Variants in EYS observed in about 807,000 individuals in gnomAD.
The protein encoded by EYS is protein eyes shut homolog.
A neutral mutation model predicts 282.1 loss-of-function variants in EYS; 250 were observed. The observed-to-expected ratio is 0.89, with a 90% CI of 0.80 to 0.98. The LOEUF (loss-of-function observed/expected upper bound fraction) is 0.98, where lower values mean the gene tolerates loss of function less well. Ranked by LOEUF, EYS falls within the 50% of genes least tolerant of loss-of-function variation. The pLI, the probability that EYS is intolerant of heterozygous loss-of-function variation, is 0.00. For synonymous variants in EYS, 1,355 were observed against 1,282.9 expected (o/e 1.06, Z -1.20); for missense variants, 4,016 against 3,709.0 (o/e 1.08, Z -2.15).
intron 31 of EYS, among the ~76,000 whole-genome samples, chr6:64,155,713 G>A (rs1054291315): frequency 1.3e-5 from 2 of 152,184 alleles, no homozygotes; most frequent in African/African-American, 4.8e-5. Context: ...GAACGATGTT[G>A]TGTAACATCT....
At position 63,995,934 on chromosome 6, in the gene EYS, A is replaced by T. The variant is rs1049919174; in HGVS notation, c.6834+3141T>A. On this transcript the variant is annotated intron_variant, in intron 34 of 42. Transcript: ENST00000503581. ...TAATAACATATTTAAAAACAACTAAATGAGAGGATTTTCAATTTCTTACCA... is the reference window on the plus strand; with the variant it reads ...TAATAACATATTTAAAAACAACTAATTGAGAGGATTTTCAATTTCTTACCA... Among the ~76,000 whole-genome samples, 6 of 152,072 alleles carry T rather than the reference A, an allele frequency of 3.9e-5. No individual in the cohort carries two copies. In the East Asian group the frequency reaches 1.2e-3, roughly 29 times the overall value.
intron 26 of EYS, among the ~76,000 whole-genome samples, chr6:64,513,493 T>C (rs1582839831): frequency 6.6e-6 from 1 of 151,888 alleles, no homozygotes; most frequent in East Asian, 1.9e-4. Flanking sequence ...ATTAACTGCA[T>C]GAGATCTTGA....
intron 35 of EYS, among the ~76,000 whole-genome samples, chr6:63,894,761 T>C (rs932869725): frequency 1.6e-4 from 24 of 151,864 alleles, no homozygotes; most frequent in Non-Finnish European, 1.5e-5. Flanking sequence ...TTTTTTATTA[T>C]TATTTTTAGT....
intron 22 of EYS, among the ~76,000 whole-genome samples, chr6:64,808,944 A>T (rs1764514524): frequency 6.6e-6 from 1 of 152,068 alleles, no homozygotes; most frequent in South Asian, 2.1e-4. Flanking sequence ...ATTTAAATAG[A>T]CTCATACTTG....
At chr6:65,063,999 A>AATTT (rs1773656053) in intron 12 of EYS, among the ~76,000 whole-genome samples, 1 of 151,304 alleles carries the variant, frequency 6.6e-6, no homozygotes, top group Admixed American at 6.6e-5. Flanking sequence ...TGGATGGAAG[A>AATTT]ATTTTACACT....
At chr6:63,909,593 G>A (rs1260777189) in intron 35 of EYS, among the ~76,000 whole-genome samples, 1 of 152,188 alleles carries the variant, frequency 6.6e-6, no homozygotes, top group Non-Finnish European at 1.5e-5. Context: ...AGTTGATTGT[G>A]GTTGGGATAT....
chr6:65,388,569 C>T lies in EYS; in HGVS notation c.1185-4069G>A, dbSNP rs114563386. On this transcript the variant is annotated intron_variant, in intron 7 of 42. Transcript: ENST00000503581. ...ACTTCAGAAAAGGGAAAGGCAAATA[C>T]CAAGGATTGAAGCAAGAGGTCCTTG... 6.5e-3 allele frequency among the ~76,000 whole-genome samples: 989 copies of T among 152,004 alleles called. 18 individuals carry two copies. Among genetic ancestry groups the T allele is most frequent in the African/African-American group, 0.022 (923 of 41,482 alleles).
intron 14 of EYS, among the ~76,000 whole-genome samples, chr6:64,948,210 G>A (rs1009029923): frequency 1.3e-5 from 2 of 151,370 alleles, no homozygotes; most frequent in East Asian, 3.9e-4. Context: ...ATTTAAAGAT[G>A]TAAATGATGA....
At chr6:65,418,733 G>A (rs1767338266) in intron 5 of EYS, among the ~76,000 whole-genome samples, 2 of 151,890 alleles carry the variant, frequency 1.3e-5, no homozygotes, top group Non-Finnish European at 2.9e-5. Flanking sequence ...GGGAGGGAAC[G>A]TAGAGGATGG....
intron 2 of EYS, among the ~76,000 whole-genome samples, chr6:65,555,686 T>C (rs1207478939): frequency 1.3e-5 from 2 of 152,190 alleles, no homozygotes; most frequent in Non-Finnish European, 2.9e-5. Flanking sequence ...GGCAAATTAA[T>C]AACTGTTTCT....
At chr6:65,000,470 T>C (rs1771426428) in intron 13 of EYS, among the ~76,000 whole-genome samples, 1 of 152,148 alleles carries the variant, frequency 6.6e-6, no homozygotes, top group African/African-American at 2.4e-5. Flanking sequence ...TATACAGAGG[T>C]ATTTTAAAAC....
At chr6:63,774,323 C>T (rs1254334757) in intron 40 of EYS, among the ~76,000 whole-genome samples, 1 of 152,070 alleles carries the variant, frequency 6.6e-6, no homozygotes, top group Non-Finnish European at 1.5e-5. Flanking sequence ...CACCCACCAC[C>T]ACACTGGCTA....
intron 30 of EYS, among the ~76,000 whole-genome samples, chr6:64,274,180 T>TATTC (rs566840604): frequency 2.0e-5 from 3 of 152,344 alleles, no homozygotes; most frequent in Non-Finnish European, 4.4e-5. Context: ...TCCATTCATT[T>TATTC]ATTCATTCAT....
chr6:63,839,082 C>T (rs1030685319), intron 36 of EYS, among the ~76,000 whole-genome samples: 2 of 151,992 alleles, frequency 1.3e-5, no homozygotes, highest in Admixed American at 6.6e-5. Flanking sequence ...TCAAAATCTC[C>T]TCTAGCTTTT....
chr6:63,853,554 C>A (rs1458770766), intron 36 of EYS, among the ~76,000 whole-genome samples: 1 of 152,182 alleles, frequency 6.6e-6, no homozygotes, highest in Non-Finnish European at 1.5e-5. Context: ...AATGGCCATA[C>A]TGCCCAAAGT....
At chr6:65,198,242 G>A (rs989044458) in intron 12 of EYS, among the ~76,000 whole-genome samples, 1 of 152,108 alleles carries the variant, frequency 6.6e-6, no homozygotes, top group Non-Finnish European at 1.5e-5. Flanking sequence ...TGCAGGGGCA[G>A]TAACATGTAT....
intron 35 of EYS, among the ~76,000 whole-genome samples, chr6:63,887,882 G>A (rs2149722707): frequency 6.6e-6 from 1 of 152,336 alleles, no homozygotes; most frequent in Middle Eastern, 3.4e-3. Context: ...CACCCCCATG[G>A]AGCCCAGCAC....
intron 26 of EYS, among the ~76,000 whole-genome samples, chr6:64,475,244 G>C (rs965929184): frequency 6.6e-6 from 1 of 152,038 alleles, no homozygotes; most frequent in African/African-American, 2.4e-5. Flanking sequence ...TTCATAGTTT[G>C]CTCTGAATAG....
chr6:64,576,062 C>T (rs1765869963), intron 26 of EYS, among the ~76,000 whole-genome samples: 1 of 152,078 alleles, frequency 6.6e-6, no homozygotes, highest in Admixed American at 6.6e-5. Context: ...TTCCAAGCTT[C>T]TGTCATATTA....
Sources: gnomAD v4.1 joint callset for allele counts (sites outside exome capture counted in the v4.1 genomes callset) on GRCh38, gnomAD v4.1.1 for gene constraint, MANE v1.5 for transcripts, NCBI Gene and HGNC (gene_info 2026-07-23, HGNC 2026-07-21) for gene names.